The following TMEFF2 variants were observed in gnomAD, a reference collection of about 807,000 sequenced individuals.
TMEFF2 encodes transmembrane protein with EGF like and two follistatin like domains 2.
TMEFF2 carries 28 observed loss-of-function variants against 53.8 expected under a neutral mutation model. The observed-to-expected ratio is 0.52, with a 90% CI of 0.39 to 0.71. The LOEUF is 0.71. TMEFF2 is among the 30% of genes least tolerant of loss of function. The pLI is 0.00. For missense variants in TMEFF2, 353 were observed against 455.2 expected, an observed-to-expected ratio of 0.78 and a Z score of 2.04; for synonymous variants, 162 against 166.3, an observed-to-expected ratio of 0.97 and a Z score of 0.20.
intron 7 of TMEFF2, among the ~76,000 whole-genome samples, chr2:191,960,929 C>T (rs981234502): frequency 2.6e-5 from 4 of 152,090 alleles, no homozygotes; most frequent in Non-Finnish European, 4.4e-5. Context: ...TAGATTACTT[C>T]AGAGCTCTAA....
chr2:192,000,321 C>A (rs1470591849), intron 5 of TMEFF2, among the ~76,000 whole-genome samples: 1 of 152,078 alleles, frequency 6.6e-6, no homozygotes, highest in Non-Finnish European at 1.5e-5. Flanking sequence ...TTACTACATG[C>A]TAGACTCTCA....
intron 4 of TMEFF2, among the ~76,000 whole-genome samples, chr2:192,118,580 A>T (rs534837498): frequency 6.6e-6 from 1 of 152,310 alleles, no homozygotes; most frequent in South Asian, 2.1e-4. Context: ...TGCCGGTTTA[A>T]TTACAGAAGT....
At chr2:191,994,810 A>G (rs1686184748) in intron 7 of TMEFF2, among the ~76,000 whole-genome samples, 2 of 151,980 alleles carry the variant, frequency 1.3e-5, no homozygotes, top group Non-Finnish European at 2.9e-5. Context: ...AGGGAGAATA[A>G]CATTAAATGG....
chr2:191,990,765 T>G (rs755086918), intron 7 of TMEFF2, among the ~76,000 whole-genome samples: 136 of 144,696 alleles, frequency 9.4e-4, no homozygotes, highest in African/African-American at 2.0e-3. Context: ...CTTTGCGGGG[T>G]GTGTGTGTGT....
At chr2:192,076,803 A>G (rs1014663583) in intron 4 of TMEFF2, among the ~76,000 whole-genome samples, 2 of 152,162 alleles carry the variant, frequency 1.3e-5, no homozygotes, top group African/African-American at 4.8e-5. Context: ...CAGATGGTGA[A>G]GTGGCATGTG....
chr2:192,076,571 G>A (rs1028523173), intron 4 of TMEFF2, among the ~76,000 whole-genome samples: 2 of 152,076 alleles, frequency 1.3e-5, no homozygotes, highest in East Asian at 3.9e-4. Context: ...TGTCACTATG[G>A]ATATTATAGT....
chr2:192,185,129 T>C (rs1691279876), intron 2 of TMEFF2, among the ~76,000 whole-genome samples: 1 of 152,062 alleles, frequency 6.6e-6, no homozygotes. Context: ...TACTGAACTA[T>C]AAGTAAACTT....
intron 4 of TMEFF2, among the ~76,000 whole-genome samples, chr2:192,103,867 T>C (rs1689089260): frequency 6.6e-6 from 1 of 151,486 alleles, no homozygotes; most frequent in South Asian, 2.1e-4. Flanking sequence ...AAAAGAAAGA[T>C]AGTGCTACGA....
At chr2:192,140,434 G>A (rs900146414) in intron 4 of TMEFF2, among the ~76,000 whole-genome samples, 3 of 152,258 alleles carry the variant, frequency 2.0e-5, no homozygotes, top group Admixed American at 6.5e-5. Flanking sequence ...TGTGGTGTCC[G>A]CACCGAGGGA....
intron 4 of TMEFF2, among the ~76,000 whole-genome samples, chr2:192,148,920 A>G (rs1227114703): frequency 1.3e-5 from 2 of 152,004 alleles, no homozygotes; most frequent in Non-Finnish European, 1.5e-5. Context: ...AAATTTTTAA[A>G]CAAATGTATT....
At chr2:191,964,356 CTT>C (rs1247980557) in intron 7 of TMEFF2, among the ~76,000 whole-genome samples, 86 of 106,300 alleles carry the variant, frequency 8.1e-4, no homozygotes, top group South Asian at 2.0e-3. Flanking sequence ...TTCTTTCTTT[CTT>C]TCTTTCTTTC....
intron 9 of TMEFF2, among the ~76,000 whole-genome samples, 185 bp downstream of exon 9, chr2:191,953,494 C>T (rs573013042): frequency 6.6e-6 from 1 of 152,110 alleles, no homozygotes; most frequent in Admixed American, 6.5e-5. Context: ...ATAATTTGTA[C>T]CACCCCAATA....
chr2:192,131,239 G>A (rs1382470054), intron 4 of TMEFF2, among the ~76,000 whole-genome samples: 12 of 147,328 alleles, frequency 8.1e-5, no homozygotes, highest in Non-Finnish European at 1.6e-4. Flanking sequence ...CTGGGGAAGG[G>A]GCAAGTACCC....
At chr2:192,136,313 C>G (rs556980980) in intron 4 of TMEFF2, among the ~76,000 whole-genome samples, 1 of 152,226 alleles carries the variant, frequency 6.6e-6, no homozygotes, top group South Asian at 2.1e-4. Context: ...AATGATAAGA[C>G]AAGAAAGAGA....
chr2:192,035,163 C>A (rs1448423853), intron 5 of TMEFF2: 2 of 141,010 alleles, frequency 1.4e-5, no homozygotes, highest in Non-Finnish European at 3.2e-5. Flanking sequence ...AAAATGACAA[C>A]GATCTTTTTT....
chr2:192,126,680 T>G (rs1340424546), intron 4 of TMEFF2, among the ~76,000 whole-genome samples: 2 of 152,208 alleles, frequency 1.3e-5, no homozygotes, highest in Admixed American at 6.5e-5. Flanking sequence ...ATATTTGATG[T>G]TTTACATTCA....
chr2:191,997,451 CTT>C (rs979791242), intron 7 of TMEFF2, among the ~76,000 whole-genome samples: 5 of 151,556 alleles, frequency 3.3e-5, no homozygotes, highest in Non-Finnish European at 5.9e-5. Context: ...AGAAACAACT[CTT>C]TTTGATTGAA....
intron 1 of TMEFF2, 86 bp from the exon 2 acceptor site, chr2:192,192,075 C>A: frequency 1.1e-6 from 1 of 917,722 alleles, no homozygotes; most frequent in South Asian, 1.6e-5. Flanking sequence ...CTTTAAAATA[C>A]TTGTCCTAAA....
chr2:191,979,475 A>C (rs1020483683), intron 7 of TMEFF2, among the ~76,000 whole-genome samples: 2 of 152,158 alleles, frequency 1.3e-5, no homozygotes, highest in Non-Finnish European at 2.9e-5. Context: ...GTGCTTTTCT[A>C]TATCTTGAGT....
Sources: allele counts gnomAD v4.1 joint callset (sites outside exome capture counted in the v4.1 genomes callset), GRCh38; gene constraint gnomAD v4.1.1; transcripts MANE v1.5; gene names NCBI Gene and HGNC (gene_info 2026-07-23, HGNC 2026-07-21).